The following ANOS1 variants were observed in gnomAD, a reference collection of about 807,000 sequenced individuals.
The protein encoded by ANOS1 is anosmin-1.
Under a neutral mutation model 59.0 loss-of-function variants are expected in ANOS1, and 6 were observed. The ratio of observed to expected loss-of-function variants is 0.10; its 90% CI spans 0.06 to 0.20. The LOEUF (loss-of-function observed/expected upper bound fraction) is 0.20. Among genes scored for constraint, ANOS1 ranks in the 10% least tolerant of loss-of-function variants. The probability of loss-of-function intolerance (pLI) is 1.00; values close to 1 mark genes in which losing one functional copy is unlikely to be tolerated. For missense variants in ANOS1, 433 were observed against 542.3 expected, an observed-to-expected ratio of 0.80 and a Z score of 2.00; for synonymous variants, 217 against 223.4, an observed-to-expected ratio of 0.97 and a Z score of 0.25.
intron 1 of ANOS1, among the ~76,000 whole-genome samples, chrX:8,722,176 A>C (rs1224742856): frequency 8.9e-6 from 1 of 112,117 alleles, no homozygotes; most frequent in African/African-American, 3.2e-5. Context: ...AGCTGAAATA[A>C]ATGCAACTTA....
intron 2 of ANOS1, among the ~76,000 whole-genome samples, chrX:8,685,582 GAAAGA>G (rs1299992836): frequency 8.1e-5 from 7 of 86,604 alleles, no homozygotes; most frequent in Non-Finnish European, 1.1e-4. Flanking sequence ...AGGAAGGAAA[GAAAGA>G]GAAAGAAAGG....
chrX:8,690,125 T>C (rs1169519897), intron 2 of ANOS1, among the ~76,000 whole-genome samples: 2 of 112,369 alleles, frequency 1.8e-5, no homozygotes, highest in Admixed American at 9.4e-5. Context: ...AATAAAGACA[T>C]GATCTCATGT....
intron 2 of ANOS1, among the ~76,000 whole-genome samples, chrX:8,667,891 G>C (rs770239624): frequency 1.4e-3 from 151 of 111,373 alleles, no homozygotes; most frequent in African/African-American, 4.6e-3. Flanking sequence ...AGATGGACTG[G>C]ATTAGAATCT....
intron 5 of ANOS1, 57 bp downstream of exon 5, chrX:8,587,737 G>A: frequency 1.0e-6 from 1 of 974,907 alleles, no homozygotes; most frequent in Non-Finnish European, 1.4e-6. Flanking sequence ...TTTGTGCGTA[G>A]CTATGTAGCA....
At chrX:8,685,224 G>A (rs1449390318) in intron 2 of ANOS1, among the ~76,000 whole-genome samples, 1 of 110,835 alleles carries the variant, frequency 9.0e-6, no homozygotes, top group African/African-American at 3.3e-5. Flanking sequence ...CATCACACAG[G>A]AATATACACA....
intron 1 of ANOS1, among the ~76,000 whole-genome samples, chrX:8,710,422 C>T (rs916890473): frequency 9.0e-6 from 1 of 111,413 alleles, no homozygotes; most frequent in African/African-American, 3.3e-5. Flanking sequence ...CAAGCCTGTT[C>T]TCTAAACACA....
chrX:8,685,606 AAG>A (rs1383541888), intron 2 of ANOS1, among the ~76,000 whole-genome samples: 8 of 71,419 alleles, frequency 1.1e-4, no homozygotes, highest in Admixed American at 7.1e-4. Context: ...GGAAGAAAGA[AAG>A]AAAGAAAGAA....
At chrX:8,621,848 A>AT (rs1237951718) in intron 3 of ANOS1, among the ~76,000 whole-genome samples, 2 of 111,712 alleles carry the variant, frequency 1.8e-5, no homozygotes, top group East Asian at 5.6e-4. Flanking sequence ...TTTTTGCGTG[A>AT]TTTTTTTACT....
In ANOS1 at chrX:8,610,040, A is replaced by AC. The variant is rs1569062440; in HGVS notation, c.319-12785_319-12784insG. ...AAAAAAAAAAAAAAAAAAAAACAAC[A>AC]ACCTTTAAAGAGCACCCATTTTTCT... On this transcript the variant is annotated intron_variant, in intron 3 of 13. Coordinates refer to ENST00000262648, the MANE Select transcript of ANOS1 (RefSeq NM_000216.4). 2.8e-4 allele frequency among the ~76,000 whole-genome samples: 13 copies of AC among 46,020 alleles called. 3 individuals carry two copies. Among genetic ancestry groups the AC allele is most frequent in the African/African-American group, 1.1e-3 (13 of 11,774 alleles). 40.0% of individuals were successfully genotyped at this position (46,020 alleles called of 115,157 possible). A position where few individuals can be genotyped will look rare whatever the true frequency, so the allele number is the denominator to read the frequency against.
intron 2 of ANOS1, among the ~76,000 whole-genome samples, chrX:8,682,712 T>C (rs945646663): frequency 6.3e-5 from 7 of 110,699 alleles, no homozygotes; most frequent in African/African-American, 2.3e-4. Flanking sequence ...TCCAAAGTAC[T>C]ACAAGCAAAA....
chrX:8,701,099 AT>A (rs373429235), intron 1 of ANOS1, among the ~76,000 whole-genome samples: 1,537 of 107,202 alleles, frequency 0.014, 21 homozygotes, highest in African/African-American at 0.04. Flanking sequence ...GATTTTGGTG[AT>A]TTTTTTTTTT....
intron 1 of ANOS1, among the ~76,000 whole-genome samples, chrX:8,701,620 T>C (rs890031274): frequency 3.6e-5 from 4 of 112,475 alleles, no homozygotes; most frequent in African/African-American, 1.3e-4. Context: ...ACATTTTATA[T>C]AAATGGAATC....
At chrX:8,715,360 G>A (rs748140563) in intron 1 of ANOS1, among the ~76,000 whole-genome samples, 6 of 111,099 alleles carry the variant, frequency 5.4e-5, no homozygotes, top group Admixed American at 1.9e-4. Context: ...AACATCCTGG[G>A]CTCAAGCAAT....
chrX:8,682,069 C>G (rs761341180), intron 2 of ANOS1, among the ~76,000 whole-genome samples: 1 of 110,877 alleles, frequency 9.0e-6, no homozygotes, highest in Non-Finnish European at 1.9e-5. Flanking sequence ...CCAAACGAAC[C>G]CTTCGCAAGC....
intron 3 of ANOS1, among the ~76,000 whole-genome samples, chrX:8,602,077 G>T (rs1930853328): frequency 8.9e-6 from 1 of 112,200 alleles, no homozygotes; most frequent in African/African-American, 3.2e-5. Flanking sequence ...CAGTCTTACA[G>T]AGGAGCTTTA....
chrX:8,600,528 T>C (rs772842411), intron 3 of ANOS1, among the ~76,000 whole-genome samples: 1 of 112,281 alleles, frequency 8.9e-6, no homozygotes, highest in South Asian at 3.7e-4. Context: ...AACTTTAAGG[T>C]AAAACTTAGA....
At chrX:8,729,866 G>A (rs897189629) in intron 1 of ANOS1, among the ~76,000 whole-genome samples, 1 of 110,850 alleles carries the variant, frequency 9.0e-6, no homozygotes, top group Admixed American at 9.6e-5. Context: ...TACCAGGTTA[G>A]GGTTAAGGCT....
chrX:8,688,494 C>T (rs975123480), intron 2 of ANOS1, among the ~76,000 whole-genome samples: 1 of 112,493 alleles, frequency 8.9e-6, no homozygotes, highest in African/African-American at 3.2e-5. Context: ...CTTTATGGAA[C>T]TCGTCTTCAA....
chrX:8,594,678 A>ATG (rs1314463859), intron 4 of ANOS1, among the ~76,000 whole-genome samples: 2 of 58,846 alleles, frequency 3.4e-5, no homozygotes, highest in African/African-American at 7.4e-5. Context: ...ATATATATAT[A>ATG]TATATATATA....
Sources: allele counts gnomAD v4.1 joint callset (sites outside exome capture counted in the v4.1 genomes callset), GRCh38; gene constraint gnomAD v4.1.1; transcripts MANE v1.5; gene names NCBI Gene and HGNC (gene_info 2026-07-23, HGNC 2026-07-21).